The following SNTG2 variants were observed in gnomAD, a reference collection of about 807,000 sequenced individuals.
SNTG2 encodes syntrophin gamma 2.
SNTG2 carries 74 observed loss-of-function variants against 70.9 expected under a neutral mutation model. That is an observed-to-expected ratio of 1.04 (90% CI 0.86 to 1.27). The LOEUF (loss-of-function observed/expected upper bound fraction) is 1.27. SNTG2 is among the 50% of genes most tolerant of loss of function. SNTG2 has a pLI of 0.00. For synonymous variants in SNTG2, 278 were observed against 273.8 expected (o/e 1.02, Z -0.15); for missense variants, 717 against 690.7 (o/e 1.04, Z -0.43).
At chr2:1,207,505 C>G (rs1043502809) in intron 8 of SNTG2, among the ~76,000 whole-genome samples, 2 of 152,214 alleles carry the variant, frequency 1.3e-5, no homozygotes, top group African/African-American at 4.8e-5. Flanking sequence ...GTCCATTCCC[C>G]CATCCCACCT....
chr2:1,148,799 A>G (rs556028385), intron 6 of SNTG2, among the ~76,000 whole-genome samples: 2 of 147,804 alleles, frequency 1.4e-5, no homozygotes, highest in African/African-American at 2.5e-5. Context: ...AATGGAAACA[A>G]GGAAGTGAGG....
At chr2:1,274,831 G>A (rs1222893125) in intron 14 of SNTG2, among the ~76,000 whole-genome samples, 2 of 152,246 alleles carry the variant, frequency 1.3e-5, no homozygotes, top group East Asian at 3.9e-4. Context: ...CTCAGTGGGA[G>A]AGTCTTAGTT....
chr2:1,196,491 C>A (rs1672916070), intron 8 of SNTG2, among the ~76,000 whole-genome samples: 1 of 152,068 alleles, frequency 6.6e-6, no homozygotes, highest in Non-Finnish European at 1.5e-5. Flanking sequence ...TCAAGTCTGG[C>A]AAAAGATTTA....
chr2:1,153,226 G>A (rs968073387), intron 6 of SNTG2, among the ~76,000 whole-genome samples: 1 of 151,764 alleles, frequency 6.6e-6, no homozygotes, highest in Admixed American at 6.6e-5. Flanking sequence ...AACATTTATA[G>A]CCAGTAAGAA....
At chr2:1,094,407 G>A (rs13431755) in intron 2 of SNTG2, among the ~76,000 whole-genome samples, 1,224 of 34,278 alleles carry the variant, frequency 0.036, 223 homozygotes, top group African/African-American at 0.13. Context: ...CGAAGGCCTT[G>A]TAGGTGTGTC....
At chr2:1,306,709 T>TGTGTGC (rs1298537166) in intron 14 of SNTG2, among the ~76,000 whole-genome samples, 17 of 150,482 alleles carry the variant, frequency 1.1e-4, no homozygotes, top group South Asian at 2.1e-4. Context: ...TGTGTGTGTG[T>TGTGTGC]GCCATGCACT....
chr2:1,195,906 T>TA (rs2147952473), intron 8 of SNTG2, among the ~76,000 whole-genome samples: 1 of 151,754 alleles, frequency 6.6e-6, no homozygotes, highest in Admixed American at 6.6e-5. Flanking sequence ...AAAAAAAAAA[T>TA]AAACTCACAT....
chr2:1,319,218 T>G (rs1001576693), intron 16 of SNTG2, among the ~76,000 whole-genome samples: 2 of 152,208 alleles, frequency 1.3e-5, no homozygotes, highest in South Asian at 4.1e-4. Context: ...CGCTGCCTTG[T>G]GATGCTTTGT....
At chr2:1,244,645 A>C (rs28479251) in intron 11 of SNTG2, among the ~76,000 whole-genome samples, 3 of 140,384 alleles carry the variant, frequency 2.1e-5, no homozygotes, top group Non-Finnish European at 4.6e-5. Flanking sequence ...GCAGTGAGCC[A>C]AGATTGCACC....
At chr2:1,087,470 C>CT (rs2148182953) in intron 2 of SNTG2, among the ~76,000 whole-genome samples, 1 of 152,328 alleles carries the variant, frequency 6.6e-6, no homozygotes, top group African/African-American at 2.4e-5. Flanking sequence ...ACTGGCCACA[C>CT]TCTGCTGATG....
chr2:1,226,786 G>T (rs1325876256), intron 9 of SNTG2, among the ~76,000 whole-genome samples: 1 of 152,234 alleles, frequency 6.6e-6, no homozygotes, highest in East Asian at 1.9e-4. Flanking sequence ...TAGCCTGTAA[G>T]AATCTTTTAG....
intron 4 of SNTG2, among the ~76,000 whole-genome samples, chr2:1,113,789 G>T (rs1204196304): frequency 6.6e-6 from 1 of 150,456 alleles, no homozygotes; most frequent in African/African-American, 2.4e-5. Flanking sequence ...AGTCCTGTGA[G>T]GAGAATCGTG....
intron 16 of SNTG2, among the ~76,000 whole-genome samples, chr2:1,358,782 G>A (rs1025960133): frequency 1.4e-4 from 22 of 152,140 alleles, no homozygotes; most frequent in Non-Finnish European, 5.9e-5. Flanking sequence ...CTGTCCTGGA[G>A]AATGCTCCTG....
intron 14 of SNTG2, among the ~76,000 whole-genome samples, chr2:1,285,633 T>C (rs1679734217): frequency 6.6e-6 from 1 of 152,204 alleles, no homozygotes; most frequent in Non-Finnish European, 1.5e-5. Context: ...CATGCACAAG[T>C]ATGTTTTTAA....
At chr2:1,137,690 T>C (rs993546782) in intron 5 of SNTG2, 25 bp downstream of exon 5, 3 of 1,613,536 alleles carry the variant, frequency 1.9e-6, no homozygotes, top group East Asian at 2.2e-5. Flanking sequence ...CGTTAATCCT[T>C]AACTTGATTG....
At chr2:1,186,122 C>A (rs529063290) in intron 8 of SNTG2, among the ~76,000 whole-genome samples, 1 of 151,310 alleles carries the variant, frequency 6.6e-6, no homozygotes, top group Non-Finnish European at 1.5e-5. Context: ...CAATGTTGCA[C>A]AGATCCCTAG....
rs75694693 is a variant in SNTG2 at position 1,181,282 on chromosome 2, A to G, written c.591+8099A>G. On this transcript the variant is annotated intron_variant, in intron 8 of 16. Transcript: ENST00000308624. ...CTCAAGAGTGTGTTTTATGGTACCTAGCAAAGTGGTAATACTAGCATTGAT... is the reference window on the plus strand; with the variant it reads ...CTCAAGAGTGTGTTTTATGGTACCTGGCAAAGTGGTAATACTAGCATTGAT... Among the ~76,000 whole-genome samples, 170 of 152,338 alleles carry G rather than the reference A, an allele frequency of 1.1e-3. 1 individual carries two copies. The highest frequency in any genetic ancestry group is 3.9e-3 in the African/African-American group (164 of 41,588).
chr2:1,354,452 C>T lies in SNTG2; in HGVS notation c.1489-12891C>T, dbSNP rs1454728760. 9.2e-5 allele frequency among the ~76,000 whole-genome samples: 6 copies of T among 64,870 alleles called. 1 individual carries two copies. The highest frequency in any genetic ancestry group is 3.7e-4 in the African/African-American group (6 of 16,188). 42.6% of individuals were successfully genotyped at this position (64,870 alleles called of 152,430 possible). A position where few individuals can be genotyped will look rare whatever the true frequency, so the allele number is the denominator to read the frequency against. On this transcript the variant is annotated intron_variant, in intron 16 of 16. Transcript: ENST00000308624. ...ATGGGGGAAGTGGAAGAACGCCGGGCTGGAGCTCAGGGACTGGGTGTTCCG... is the reference window on the plus strand; with the variant it reads ...ATGGGGGAAGTGGAAGAACGCCGGGTTGGAGCTCAGGGACTGGGTGTTCCG...
intron 16 of SNTG2, among the ~76,000 whole-genome samples, chr2:1,355,717 T>C (rs1660815510): frequency 6.6e-6 from 1 of 152,190 alleles, no homozygotes; most frequent in South Asian, 2.1e-4. Context: ...AAGGGATTGC[T>C]AAGTCATCTC....
Sources: gnomAD v4.1 joint callset for allele counts (sites outside exome capture counted in the v4.1 genomes callset) on GRCh38, gnomAD v4.1.1 for gene constraint, MANE v1.5 for transcripts, NCBI Gene and HGNC (gene_info 2026-07-23, HGNC 2026-07-21) for gene names.